The following BAHCC1 variants were observed in gnomAD, a reference collection of about 807,000 sequenced individuals.
BAHCC1 encodes BAH domain and coiled-coil containing 1.
BAHCC1 carries 43 observed loss-of-function variants against 88.2 expected under a neutral mutation model. The ratio of observed to expected loss-of-function variants is 0.49; its 90% CI spans 0.38 to 0.63. The LOEUF is 0.63. BAHCC1 is among the 20% of genes least tolerant of loss of function. BAHCC1 has a pLI of 0.00. For missense variants in BAHCC1, 3,023 were observed against 1,654.8 expected, an observed-to-expected ratio of 1.83 and a Z score of -14.34; for synonymous variants, 1,510 against 745.5, an observed-to-expected ratio of 2.03 and a Z score of -16.71.
chr17:81,458,037 G>A (rs1382005981), intron 17 of BAHCC1, 128 bp from the exon 18 acceptor site: 1 of 634,942 alleles, frequency 1.6e-6, no homozygotes, highest in African/African-American at 1.8e-5. Flanking sequence ...GGAGGGCAGA[G>A]GTTGCTGGGT....
chr17:81,399,775 G>A lies in BAHCC1; in HGVS notation c.36G>A (p.Leu12=). The change falls in exon 2 of 28, where the codon CTG becomes CTA. Residue 12 remains leucine, a synonymous_variant. Transcript: ENST00000675386. This position sits in a 1 kb window ranked among gnomAD's most constrained non-coding sequence, Gnocchi z 4.5. ...GCGACTTTGCGCCGCCGCCGCATCTGCTGTCGGAGCGCGGGAGCCTGGGCC... is the reference window on the plus strand; with the variant it reads ...GCGACTTTGCGCCGCCGCCGCATCTACTGTCGGAGCGCGGGAGCCTGGGCC... ...DGRDFAPPPH[L]LSERGSLGHR... is the part of the protein sequence containing the mutation. 1 of 1,230,196 alleles carries A rather than the reference G, an allele frequency of 8.1e-7. No homozygotes were observed. Among genetic ancestry groups the A allele is most frequent in the Non-Finnish European group, 1.0e-6 (1 of 986,524 alleles). The allele number at this position is 1,230,196 out of a possible 1,614,324, so 76.2% of individuals were successfully genotyped here.
At chr17:81,441,710 G>A (rs1212456514) in intron 4 of BAHCC1, 121 bp from the exon 5 acceptor site, 18 of 470,718 alleles carry the variant, frequency 3.8e-5, no homozygotes, top group African/African-American at 3.4e-4. Flanking sequence ...CCTTCCCTAG[G>A]CTGTAACCTG....
intron 18 of BAHCC1, 41 bp downstream of exon 18, chr17:81,458,507 G>T: frequency 1.5e-6 from 1 of 665,856 alleles, no homozygotes; most frequent in Admixed American, 2.1e-5. Flanking sequence ...GAGGGTGGGT[G>T]CCTGTGAGGA....
intron 2 of BAHCC1, among the ~76,000 whole-genome samples, chr17:81,416,068 G>A (rs2064018275): frequency 2.0e-5 from 3 of 151,830 alleles, no homozygotes; most frequent in African/African-American, 7.3e-5. Context: ...CCATGAGGAT[G>A]GGTGTATGTG....
chr17:81,428,576 C>T (rs1439048512), intron 3 of BAHCC1, among the ~76,000 whole-genome samples: 5 of 152,204 alleles, frequency 3.3e-5, no homozygotes, highest in African/African-American at 1.2e-4. Flanking sequence ...AGAGCTCCTA[C>T]CCCACTCCCT....
intron 3 of BAHCC1, among the ~76,000 whole-genome samples, chr17:81,433,377 C>T (rs898035886): frequency 1.2e-4 from 19 of 152,290 alleles, no homozygotes; most frequent in East Asian, 5.8e-4. Flanking sequence ...TAGGCCCTTC[C>T]GGCCCTAGAG....
rs782196785 is a variant in BAHCC1, at chr17:81,463,764, G to A, written c.7774G>A (p.Asp2592Asn). Residue 2592 changes from aspartate (D) to asparagine (N), a missense_variant, in exon 28 of 28, where the codon GAC (aspartate) becomes AAC (asparagine). Transcript: ENST00000675386. The part of the protein sequence containing the change: ...QDLYYLAGTY[D>N]PTTGRLVTAD... The stretch of plus-strand genomic sequence containing the variant: ...CCTCTACTACCTGGCGGGCACCTAC[G>A]ACCCCACCACCGGGCGCCTGGTGAC... 66 of 772,496 alleles carry A rather than the reference G, an allele frequency of 8.5e-5. No individual in the cohort carries two copies. The highest frequency in any genetic ancestry group is 5.0e-4 in the Admixed American group (29 of 58,462). The allele number at this position is 772,496 out of a possible 1,614,324, so 47.9% of individuals were successfully genotyped here. A position where few individuals can be genotyped will look rare whatever the true frequency, so the allele number is the denominator to read the frequency against.
At chr17:81,424,567 GGTT>G (rs2064151837) in intron 2 of BAHCC1, among the ~76,000 whole-genome samples, 1 of 152,176 alleles carries the variant, frequency 6.6e-6, no homozygotes. Flanking sequence ...ATGATGATAT[GGTT>G]GTTGTGGTTG....
intron 16 of BAHCC1, among the ~76,000 whole-genome samples, chr17:81,457,148 C>T (rs1356225891): frequency 6.6e-6 from 1 of 152,174 alleles, no homozygotes; most frequent in South Asian, 2.1e-4. Context: ...GAGGGGGCCC[C>T]AGCCCTGCCT....
intron 10 of BAHCC1, chr17:81,446,634 G>A (rs1314675115): frequency 2.1e-5 from 7 of 340,436 alleles, no homozygotes; most frequent in Middle Eastern, 1.0e-3. Flanking sequence ...CTGCAGCCTC[G>A]GCCTCCTGGG....
chr17:81,460,116 C>T (rs937704482), intron 23 of BAHCC1, among the ~76,000 whole-genome samples, 161 bp from the exon 24 acceptor site: 1 of 152,068 alleles, frequency 6.6e-6, no homozygotes, highest in Non-Finnish European at 1.5e-5. Context: ...GAGAGGAGGC[C>T]CCCGCTCCTG....
chr17:81,425,091 TGGTGATAGTGGTGGGTGATGTGGTTGGG>T (rs2064162522), intron 2 of BAHCC1, among the ~76,000 whole-genome samples: 3 of 106,994 alleles, frequency 2.8e-5, no homozygotes, highest in African/African-American at 3.8e-5. Flanking sequence ...ATGTGGTTGG[TGGTGATAGTGGTGGGTGATGTGGTTGGG>T]GGTGATAGTG....
chr17:81,427,042 G>A (rs998984225), intron 3 of BAHCC1, 63 bp downstream of exon 3: 26 of 398,346 alleles, frequency 6.5e-5, no homozygotes, highest in African/African-American at 4.9e-4. Context: ...CCTGGTGCCC[G>A]GGCCAGGGGC....
In BAHCC1 at chr17:81,458,361, C is replaced by G. The variant is rs563401816; in HGVS notation, c.5238C>G (p.Phe1746Leu). Residue 1746 changes from phenylalanine to leucine, a missense_variant, in exon 18 of 28, where the codon TTC becomes TTG. Phe to Leu is a conservative substitution (Grantham distance 22, BLOSUM62 0). Transcript: ENST00000675386. ...PGATPSRDAL[F>L]NPSRAFACRE... ...CCACCCCCAGCAGGGACGCCCTCTT[C>G]AACCCCTCTCGGGCCTTCGCCTGCC... 2 of 728,154 alleles carry G rather than the reference C, an allele frequency of 2.7e-6. No individual in the cohort carries two copies. Among genetic ancestry groups the G allele is most frequent in the African/African-American group, 1.7e-5 (1 of 57,972 alleles). 45.1% of individuals were successfully genotyped at this position (728,154 alleles called of 1,614,324 possible). A position where few individuals can be genotyped will look rare whatever the true frequency, so the allele number is the denominator to read the frequency against.
rs556217428 is a variant in BAHCC1, at chr17:81,461,011, G to C, written c.6348G>C (p.Pro2116=). ...CGGTGGCAGCGGCCAGCAAGGGGCCGGGGGTGCTGCAGAACCTCTTCCAGC... is the reference window on the plus strand; with the variant it reads ...CGGTGGCAGCGGCCAGCAAGGGGCCCGGGGTGCTGCAGAACCTCTTCCAGC... ...RKAVAAASKG[P]GVLQNLFQLN... is the part of the protein sequence containing the mutation. The change falls in exon 26 of 28, where the codon CCG becomes CCC. Residue 2116 remains proline, a synonymous_variant. Transcript: ENST00000675386. 1 of 772,964 alleles carries C rather than the reference G, an allele frequency of 1.3e-6. No individual in the cohort carries two copies. The highest frequency in any genetic ancestry group is 2.4e-6 in the Non-Finnish European group (1 of 417,104). The allele number at this position is 772,964 out of a possible 1,614,324, so 47.9% of individuals were successfully genotyped here. A position where few individuals can be genotyped will look rare whatever the true frequency, so the allele number is the denominator to read the frequency against.
chr17:81,410,242 C>T (rs1232212704), intron 2 of BAHCC1, among the ~76,000 whole-genome samples: 2 of 152,214 alleles, frequency 1.3e-5, no homozygotes, highest in Admixed American at 6.5e-5. Flanking sequence ...ACTCAGAGGC[C>T]TGGGGAGGAG....
chr17:81,452,802 G>T lies in BAHCC1; in HGVS notation c.4396G>T (p.Ala1466Ser). The T allele has an allele frequency of 1.4e-6, 1 of 740,614 alleles. No individual in the cohort carries two copies. The highest frequency in any genetic ancestry group is 2.5e-6 in the Non-Finnish European group (1 of 403,436). The allele number at this position is 740,614 out of a possible 1,614,324, so 45.9% of individuals were successfully genotyped here. ...GCGCAAACACTCAAGCTCGCTGCCTGCCCCACGTCCCACGGGGCCGCTCCC... is the reference window on the plus strand; with the variant it reads ...GCGCAAACACTCAAGCTCGCTGCCTTCCCCACGTCCCACGGGGCCGCTCCC... ...RKRKHSSSLPAPRPTGPLPRS... is the reference protein window; with the variant it reads ...RKRKHSSSLPSPRPTGPLPRS... The change falls in exon 14 of 28, where the codon GCC becomes TCC. Residue 1466 changes from alanine (A) to serine (S), a missense_variant. Transcript: ENST00000675386.
At chr17:81,452,412 A>T (rs1598501315) in intron 13 of BAHCC1, among the ~76,000 whole-genome samples, 1 of 99,682 alleles carries the variant, frequency 1.0e-5, no homozygotes, top group Non-Finnish European at 2.1e-5. Context: ...CAGAAGGGGG[A>T]GTAGGGAGGA....
Position 81,434,288 on chromosome 17 carries a change from A to G in BAHCC1, c.359-4082A>G, listed in dbSNP as rs1555651407. Among the ~76,000 whole-genome samples the G allele has an allele frequency of 1.3e-5, 2 of 152,146 alleles. No individual in the cohort carries two copies. Among genetic ancestry groups the G allele is most frequent in the Non-Finnish European group, 2.9e-5 (2 of 68,012 alleles). On this transcript the variant is annotated intron_variant, in intron 3 of 27. Transcript: ENST00000675386. This position sits in a 1 kb window ranked among gnomAD's most constrained non-coding sequence, Gnocchi z 4.9. ...CTCGGGGCCACGCCCAGCTGACTGC[A>G]TGACCCACTGCCCGCCCAGCCAGGC...
Sources: allele counts gnomAD v4.1 joint callset (sites outside exome capture counted in the v4.1 genomes callset), GRCh38; gene constraint gnomAD v4.1.1; non-coding constraint Gnocchi (gnomAD v3.1); transcripts MANE v1.5; gene names NCBI Gene and HGNC (gene_info 2026-07-23, HGNC 2026-07-21).